The following TPTE2 variants were observed in gnomAD, a reference collection of about 807,000 sequenced individuals.
TPTE2 encodes phosphatidylinositol 3,4,5-trisphosphate 3-phosphatase TPTE2.
Under a neutral mutation model 78.6 loss-of-function variants are expected in TPTE2, and 53 were observed. The ratio of observed to expected loss-of-function variants is 0.67; its 90% CI spans 0.54 to 0.85. TPTE2 has a LOEUF of 0.85. Among genes scored for constraint, TPTE2 ranks in the 40% least tolerant of loss-of-function variants. The pLI is 0.00. For missense variants in TPTE2, 461 were observed against 623.0 expected (o/e 0.74, Z 2.77); for synonymous variants, 175 against 206.2 (o/e 0.85, Z 1.30).
intron 2 of TPTE2, 131 bp downstream of exon 5, chr13:19,493,317 G>GTGGA (rs71092368): frequency 0.45 from 292,984 of 653,664 alleles, 66,320 homozygotes; most frequent in East Asian, 0.62. Context: ...GAAGAGAAGT[G>GTGGA]TGGATGGATG....
chr13:19,546,149 G>C, the TPTE2 span, among the ~76,000 whole-genome samples: 1 of 152,062 alleles, frequency 6.6e-6, no homozygotes, highest in Non-Finnish European at 1.5e-5. Context: ...AGTAAGCTGT[G>C]ATTACACCAC....
At chr13:19,449,208 T>A (rs1207776745) in intron 13 of TPTE2, among the ~76,000 whole-genome samples, 1 of 152,134 alleles carries the variant, frequency 6.6e-6, no homozygotes, top group Admixed American at 6.6e-5. Context: ...AGTTTTGTTC[T>A]TGTTGCTCAG....
intron 1 of TPTE2, among the ~76,000 whole-genome samples, chr13:19,513,727 C>A (rs1869610154): frequency 6.6e-6 from 1 of 152,044 alleles, no homozygotes; most frequent in African/African-American, 2.4e-5. Context: ...TTGTTTAGGA[C>A]TCTCAAAAAA....
Position 19,462,060 on chromosome 13 carries a change from T to A in TPTE2, c.741+2396A>T, listed in dbSNP as rs377487354. Among the ~76,000 whole-genome samples the A allele has an allele frequency of 8.8e-4, 134 of 151,908 alleles. 1 individual carries two copies. Among genetic ancestry groups the A allele is most frequent in the African/African-American group, 3.1e-3 (129 of 41,562 alleles). On this transcript the variant is annotated intron_variant, in intron 10 of 19. Coordinates refer to ENST00000400230, the Ensembl canonical transcript of TPTE2. ...TTTATCCTGTCATTTTGTTCATTTTTTTCTGGTTGTTTTGTATATCCTTTG... is the reference window on the plus strand; with the variant it reads ...TTTATCCTGTCATTTTGTTCATTTTATTCTGGTTGTTTTGTATATCCTTTG...
At position 19,520,929 on chromosome 13, in the gene TPTE2, ACCTCATTTTATTGTAGT is replaced by A. The variant is rs1327565289; in HGVS notation, c.-44+15650_-44+15666del. Among the ~76,000 whole-genome samples, 3 of 151,906 alleles carry A rather than the reference ACCTCATTTTATTGTAGT, an allele frequency of 2.0e-5. No homozygotes were observed. The East Asian group carries it at 5.8e-4, about 29-fold the overall frequency. Reference sequence around the variant, plus strand: ...CAAATTTCCTTCTCTTACTATTCTAACCTCATTTTATTGTAGTTGAGAACATGCTTTGTATGATTTAA... The same window carrying A: ...CAAATTTCCTTCTCTTACTATTCTAATGAGAACATGCTTTGTATGATTTAA... On this transcript the variant is annotated intron_variant, in intron 1 of 17. Transcript: ENST00000390680.
At chr13:19,517,669 G>A (rs530847473) in intron 1 of TPTE2, among the ~76,000 whole-genome samples, 5 of 152,256 alleles carry the variant, frequency 3.3e-5, no homozygotes, top group Admixed American at 1.3e-4. Flanking sequence ...TTTTTACCTC[G>A]TATTGAGAAT....
intron 1 of TPTE2, among the ~76,000 whole-genome samples, chr13:19,536,442 CT>C (rs1483725261): frequency 6.6e-6 from 1 of 152,166 alleles, no homozygotes; most frequent in African/African-American, 2.4e-5. Flanking sequence ...GTCGAAGCCC[CT>C]GTGTGTCCCT....
chr13:19,492,564 C>A (rs1275949941), intron 3 of TPTE2, among the ~76,000 whole-genome samples: 1 of 152,046 alleles, frequency 6.6e-6, no homozygotes, highest in Admixed American at 6.6e-5. Context: ...ACAACTCCTT[C>A]AAAAAAGGAT....
intron 10 of TPTE2, among the ~76,000 whole-genome samples, chr13:19,452,113 G>A (rs1023752508): frequency 2.6e-5 from 4 of 151,994 alleles, no homozygotes; most frequent in Admixed American, 6.6e-5. Flanking sequence ...TCTGTTAGGA[G>A]GAAATAATAA....
chr13:19,498,094 T>TAG (rs1477164950), intron 1 of TPTE2, among the ~76,000 whole-genome samples: 1 of 151,140 alleles, frequency 6.6e-6, no homozygotes, highest in Non-Finnish European at 1.5e-5. Flanking sequence ...AAGGGAAGTT[T>TAG]AGAGAAAAAA....
At chr13:19,438,119 A>C in exon 14 of TPTE2, 1 of 1,609,258 alleles carries the variant, frequency 6.2e-7, no homozygotes, top group Non-Finnish European at 8.5e-7. Flanking sequence ...TTTCGGAGGC[A>C]ATAAGGAGGG....
upstream of TPTE2, among the ~76,000 whole-genome samples, chr13:19,539,407 C>A (rs138268076): frequency 0.013 from 1,958 of 152,262 alleles, 28 homozygotes; most frequent in South Asian, 0.066. Context: ...TTATAAAGGG[C>A]AGTTCCCCTG....
chr13:19,520,112 T>C (rs781134167), intron 1 of TPTE2, among the ~76,000 whole-genome samples: 1 of 152,110 alleles, frequency 6.6e-6, no homozygotes, highest in Non-Finnish European at 1.5e-5. Flanking sequence ...GTGAACTCAA[T>C]TGTTGCTCCA....
chr13:19,439,090 T>C (rs894583998), intron 13 of TPTE2, among the ~76,000 whole-genome samples: 3 of 152,284 alleles, frequency 2.0e-5, no homozygotes, highest in African/African-American at 7.2e-5. Context: ...ACTGGGGGAA[T>C]CTTCCCTATC....
intron 10 of TPTE2, among the ~76,000 whole-genome samples, chr13:19,460,296 G>A (rs1878805348): frequency 6.6e-6 from 1 of 152,222 alleles, no homozygotes; most frequent in African/African-American, 2.4e-5. Flanking sequence ...CCCTTGGCTG[G>A]GAGTCGGGTT....
chr13:19,428,152 G>C (rs550589082), intron 17 of TPTE2, among the ~76,000 whole-genome samples: 1 of 151,872 alleles, frequency 6.6e-6, no homozygotes, highest in Non-Finnish European at 1.5e-5. Context: ...ACACAAAGTA[G>C]AAATTAGAAA....
chr13:19,487,786 T>C (rs1042019355), intron 3 of TPTE2, among the ~76,000 whole-genome samples: 1 of 152,172 alleles, frequency 6.6e-6, no homozygotes, highest in Non-Finnish European at 1.5e-5. Context: ...GGTCTCAAGA[T>C]GGTGCTGTGT....
At chr13:19,504,583 T>C (rs1868867334), upstream of TPTE2, among the ~76,000 whole-genome samples, 1 of 152,092 alleles carries the variant, frequency 6.6e-6, no homozygotes, top group South Asian at 2.1e-4. Context: ...TCCACTCTAG[T>C]ATGTCTCATA....
intron 6 of TPTE2, among the ~76,000 whole-genome samples, chr13:19,468,771 T>C (rs1298743893): frequency 1.3e-5 from 2 of 152,226 alleles, no homozygotes; most frequent in African/African-American, 4.8e-5. Context: ...TAATGATCAA[T>C]GATGTTAAGC....
Sources: allele counts gnomAD v4.1 joint callset (sites outside exome capture counted in the v4.1 genomes callset), GRCh38; gene constraint gnomAD v4.1.1; transcripts MANE v1.5; gene names NCBI Gene and HGNC (gene_info 2026-07-23, HGNC 2026-07-21).